The following NBPF3 variants were observed in gnomAD, a reference collection of about 807,000 sequenced individuals.
NBPF3 encodes the protein NBPF family member NBPF3.
In NBPF3, 57 loss-of-function variants were observed where a neutral mutation model predicts 78.1. The observed-to-expected ratio is 0.73, with a 90% CI of 0.59 to 0.91. The LOEUF is 0.91. Among genes scored for constraint, NBPF3 ranks in the 40% least tolerant of loss-of-function variants. The pLI, the probability that NBPF3 is intolerant of heterozygous loss-of-function variation, is 0.00. For missense variants in NBPF3, 510 were observed against 715.3 expected, an observed-to-expected ratio of 0.71 and a Z score of 3.27; for synonymous variants, 182 against 271.7, an observed-to-expected ratio of 0.67 and a Z score of 3.25.
chr1:21,480,933 TG>T lies in NBPF3; in HGVS notation c.1386del (p.Met462IlefsTer25). The stretch of plus-strand genomic sequence containing the variant: ...TCCCTGTCTGAATTTATTGCAGGAA[TG>T]AAAAAGGACCAAGAAGAGGAAGAAG... ...HLGLALDLDR[M>X]KKDQEEEEDQ... is the part of the protein sequence containing the mutation. On this transcript the variant is annotated frameshift_variant, in exon 12 of 15. Transcript: ENST00000318249. LOFTEE classifies it high-confidence loss of function. The T allele has an allele frequency of 6.3e-7, 1 of 1,584,364 alleles. No individual in the cohort carries two copies. Among genetic ancestry groups the T allele is most frequent in the Non-Finnish European group, 8.6e-7 (1 of 1,161,870 alleles).
chr1:21,439,287 T>C (rs1640501717), upstream of NBPF3, among the ~76,000 whole-genome samples: 1 of 151,996 alleles, frequency 6.6e-6, no homozygotes, highest in Non-Finnish European at 1.5e-5. Flanking sequence ...TCAGGAGTTC[T>C]AGACCAGCCT....
chr1:21,479,989 A>T, intron 10 of NBPF3, 62 bp from the exon 11 acceptor site: 1 of 839,062 alleles, frequency 1.2e-6, no homozygotes, highest in Admixed American at 1.7e-5. Flanking sequence ...CATGAAATCT[A>T]GCTGGGGCTG....
chr1:21,478,217 C>T lies in NBPF3; in HGVS notation c.1066C>T (p.Pro356Ser). 1.2e-6 allele frequency: 2 copies of T among 1,614,172 alleles called. No individual in the cohort carries two copies. The highest frequency in any genetic ancestry group is 1.3e-5 in the African/African-American group (1 of 75,046). Reference sequence around the variant, plus strand: ...TGAAGGTGATTGGACTCTCTCAATTCCTCCTGACATGTCTGCCTCATACCA... The same window carrying T: ...TGAAGGTGATTGGACTCTCTCAATTTCTCCTGACATGTCTGCCTCATACCA... Reference protein sequence around the residue: ...WDEGDWTLSIPPDMSASYQSD... With the variant: ...WDEGDWTLSISPDMSASYQSD... Residue 356 changes from proline to serine, a missense_variant, in exon 9 of 15, where the codon CCT becomes TCT. Pro to Ser is a moderately conservative substitution (Grantham distance 74, BLOSUM62 -1). Around this residue, in one of 5 missense-constraint regions of NBPF3, gnomAD observed 440 missense variants for 478.2 expected, o/e 0.92. Coordinates refer to ENST00000318249, the MANE Select transcript of NBPF3 (RefSeq NM_032264.6).
At chr1:21,437,748 G>A (rs1640453398), upstream of NBPF3, among the ~76,000 whole-genome samples, 2 of 150,620 alleles carry the variant, frequency 1.3e-5, no homozygotes, top group South Asian at 4.2e-4. Flanking sequence ...TCCGCCTCCC[G>A]GGTTCGTGCC....
intron 9 of NBPF3, 32 bp downstream of exon 9, chr1:21,478,339 C>T: frequency 1.9e-6 from 3 of 1,606,138 alleles, no homozygotes; most frequent in Non-Finnish European, 2.6e-6. Flanking sequence ...TGATAAAGCT[C>T]CAGTTCATGT....
intron 14 of NBPF3, 150 bp downstream of exon 14, chr1:21,482,685 T>A: frequency 1.3e-5 from 1 of 76,358 alleles, no homozygotes; most frequent in Non-Finnish European, 2.1e-5. Flanking sequence ...AGTAGACGTT[T>A]AGGTTTTCAT....
chr1:21,474,731 C>G (rs539897151), intron 7 of NBPF3, among the ~76,000 whole-genome samples, 169 bp from the exon 8 acceptor site: 1 of 152,332 alleles, frequency 6.6e-6, no homozygotes, highest in South Asian at 2.1e-4. Flanking sequence ...AAAGCAGGGT[C>G]ATCTACTTCT....
intron 1 of NBPF3, among the ~76,000 whole-genome samples, chr1:21,443,439 T>A (rs181323517): frequency 3.3e-5 from 5 of 152,202 alleles, no homozygotes; most frequent in Non-Finnish European, 7.3e-5. Context: ...TTGAAGTTTT[T>A]ACAATCTTCC....
chr1:21,456,286 G>A (rs79115584), intron 2 of NBPF3, among the ~76,000 whole-genome samples: 2 of 152,128 alleles, frequency 1.3e-5, no homozygotes, highest in Non-Finnish European at 2.9e-5. Context: ...TCTAAGAACA[G>A]CTAACAAATA....
intron 2 of NBPF3, among the ~76,000 whole-genome samples, chr1:21,456,375 C>G (rs1003715239): frequency 2.0e-5 from 3 of 152,146 alleles, no homozygotes; most frequent in African/African-American, 7.2e-5. Context: ...TCTGTCCTTT[C>G]TCTTTGACTC....
intron 1 of NBPF3, among the ~76,000 whole-genome samples, chr1:21,441,074 C>T (rs1165436103): frequency 6.6e-6 from 1 of 152,166 alleles, no homozygotes; most frequent in African/African-American, 2.4e-5. Flanking sequence ...CCTTGCTTTC[C>T]TTCTGTCTTT....
At chr1:21,461,957 G>A (rs1641974250) in intron 2 of NBPF3, among the ~76,000 whole-genome samples, 1 of 152,044 alleles carries the variant, frequency 6.6e-6, no homozygotes, top group Non-Finnish European at 1.5e-5. Flanking sequence ...CTGGGAGAAG[G>A]TAGTGAGTGA....
rs202196655 is a variant in NBPF3 at position 21,473,559 on chromosome 1, G to A, written c.914G>A (p.Trp305Ter). 1.9e-6 allele frequency: 3 copies of A among 1,614,142 alleles called. No homozygotes were observed. The highest frequency in any genetic ancestry group is 2.7e-5 in the African/African-American group (2 of 75,032). The change falls in exon 7 of 15, where the codon TGG becomes TAG. Residue 305 changes from tryptophan to a stop codon, truncating the protein, a stop_gained. Transcript: ENST00000318249. LOFTEE classifies it high-confidence loss of function. ...TLIDSSSHDEWLDAVCIIPEN... is the reference protein window; with the variant it reads ...TLIDSSSHDE ...ATTGACTCATCCTCTCATGATGAATGGTTGGATGCTGTATGCATTATCCCA... is the reference window on the plus strand; with the variant it reads ...ATTGACTCATCCTCTCATGATGAATAGTTGGATGCTGTATGCATTATCCCA...
chr1:21,464,732 G>T (rs1457532339), intron 2 of NBPF3, among the ~76,000 whole-genome samples: 1 of 151,802 alleles, frequency 6.6e-6, no homozygotes, highest in Non-Finnish European at 1.5e-5. Flanking sequence ...TCAGGGCCAG[G>T]TTCAGTGGCT....
At chr1:21,471,518 T>C in intron 4 of NBPF3, 51 bp from the exon 5 acceptor site, 1 of 1,611,182 alleles carries the variant, frequency 6.2e-7, no homozygotes. Context: ...ATATTAGAAC[T>C]GATCACTCAT....
At chr1:21,470,905 A>G (rs1570057669) in intron 4 of NBPF3, among the ~76,000 whole-genome samples, 171 bp downstream of exon 4, 2 of 152,302 alleles carry the variant, frequency 1.3e-5, no homozygotes, top group East Asian at 3.9e-4. Context: ...GATAATAATA[A>G]GTTATGGGTT....
rs1641863787 is a variant in NBPF3, at chr1:21,460,017, C to A, written c.134-8671C>A. 2 of 33,086 alleles carry A rather than the reference C, an allele frequency of 6.0e-5. 1 individual carries two copies. Among genetic ancestry groups the A allele is most frequent in the Non-Finnish European group, 1.8e-4 (2 of 11,106 alleles). 2.0% of individuals were successfully genotyped at this position (33,086 alleles called of 1,614,324 possible). A position where few individuals can be genotyped will look rare whatever the true frequency, so the allele number is the denominator to read the frequency against. ...AGATGGAGGGTGAGTCCTTGTTGCC[C>A]ACGATGGCCGCGAACCTAACAGGTC... is the stretch of plus-strand genomic sequence containing the variant. On this transcript the variant is annotated intron_variant, in intron 2 of 14. Coordinates refer to ENST00000318249, the MANE Select transcript of NBPF3 (RefSeq NM_032264.6). The surrounding 1 kb of genome is among the most constrained non-coding windows in gnomAD (Gnocchi z 4.2).
chr1:21,453,024 G>A (rs921158776), intron 2 of NBPF3, among the ~76,000 whole-genome samples: 3 of 152,134 alleles, frequency 2.0e-5, no homozygotes, highest in South Asian at 4.1e-4. Flanking sequence ...GTCACCTAGC[G>A]TTATTAGCTA....
Position 21,473,485 on chromosome 1 carries a change from C to CG in NBPF3, c.843dup (p.Asn282GlufsTer7), listed in dbSNP as rs1558501742. The CG allele has an allele frequency of 1.2e-6, 2 of 1,614,184 alleles. No homozygotes were observed. Among genetic ancestry groups the CG allele is most frequent in the Non-Finnish European group, 1.7e-6 (2 of 1,180,024 alleles). On this transcript the variant is annotated frameshift_variant, in exon 7 of 15. Coordinates refer to ENST00000318249, the MANE Select transcript of NBPF3 (RefSeq NM_032264.6). LOFTEE classifies it high-confidence loss of function. The stretch of plus-strand genomic sequence containing the variant: ...ACCCTTGTGAGTCCAACCAGCCTTA[C>CG]GGGAACACCAGAATCACATTTGAGG...
Sources: gnomAD v4.1 joint callset for allele counts (sites outside exome capture counted in the v4.1 genomes callset) on GRCh38, gnomAD v4.1.1 for gene constraint, gnomAD v4.1.1 regional missense constraint, Gnocchi (gnomAD v3.1) non-coding constraint, MANE v1.5 for transcripts, NCBI Gene and HGNC (gene_info 2026-07-23, HGNC 2026-07-21) for gene names.